The following LUZP2 variants were observed in gnomAD, a reference collection of about 807,000 sequenced individuals.
The protein encoded by LUZP2 is leucine zipper protein 2.
In LUZP2, 52 loss-of-function variants were observed where a neutral mutation model predicts 51.6. The observed-to-expected ratio is 1.01, with a 90% CI of 0.81 to 1.27. The LOEUF is 1.27. LUZP2 is among the 50% of genes most tolerant of loss of function. The probability of loss-of-function intolerance (pLI) is 0.00; values close to 1 mark genes in which losing one functional copy is unlikely to be tolerated. For synonymous variants in LUZP2, 154 were observed against 137.3 expected, an observed-to-expected ratio of 1.12 and a Z score of -0.85; for missense variants, 436 against 395.4, an observed-to-expected ratio of 1.10 and a Z score of -0.87.
At chr11:24,996,851 C>T (rs1856517996) in intron 9 of LUZP2, among the ~76,000 whole-genome samples, 1 of 151,844 alleles carries the variant, frequency 6.6e-6, no homozygotes, top group Non-Finnish European at 1.5e-5. Context: ...TCCCATCTAT[C>T]AGTAAGAATA....
chr11:24,876,757 A>T (rs142394062), intron 5 of LUZP2, among the ~76,000 whole-genome samples: 4 of 151,592 alleles, frequency 2.6e-5, no homozygotes, highest in African/African-American at 9.8e-5. Flanking sequence ...ATTTGTTTGT[A>T]TCCTCTTTTA....
At chr11:24,752,034 T>C (rs1266923138) in intron 4 of LUZP2, among the ~76,000 whole-genome samples, 1 of 151,798 alleles carries the variant, frequency 6.6e-6, no homozygotes, top group African/African-American at 2.4e-5. Context: ...AATGACAAAT[T>C]TATAGAAAGC....
intron 5 of LUZP2, among the ~76,000 whole-genome samples, chr11:24,770,038 C>T (rs1377734361): frequency 1.3e-5 from 2 of 152,176 alleles, no homozygotes; most frequent in Non-Finnish European, 2.9e-5. Context: ...AAGTGATCTG[C>T]CCACCTCAGG....
chr11:25,020,652 A>G (rs949540059), intron 9 of LUZP2, among the ~76,000 whole-genome samples: 2 of 152,084 alleles, frequency 1.3e-5, no homozygotes, highest in African/African-American at 4.8e-5. Context: ...ACCTGAAAAC[A>G]CTATTTTCTT....
chr11:24,637,620 G>A (rs1043603979), intron 1 of LUZP2, among the ~76,000 whole-genome samples: 1 of 151,680 alleles, frequency 6.6e-6, no homozygotes, highest in Non-Finnish European at 1.5e-5. Context: ...GTCTATGAAC[G>A]GCCGCTCTAG....
chr11:24,709,610 A>G (rs1179399285), intron 1 of LUZP2, among the ~76,000 whole-genome samples: 3 of 152,222 alleles, frequency 2.0e-5, no homozygotes, highest in Admixed American at 6.5e-5. Flanking sequence ...CAAATTTTCC[A>G]GGAATAATTA....
intron 1 of LUZP2, among the ~76,000 whole-genome samples, chr11:24,614,630 A>G (rs1189216394): frequency 3.3e-5 from 5 of 151,888 alleles, no homozygotes; most frequent in African/African-American, 1.2e-4. Context: ...ATGCGTAAAA[A>G]TTATTCCTGA....
intron 7 of LUZP2, among the ~76,000 whole-genome samples, chr11:24,960,263 T>A (rs1283579551): frequency 2.6e-5 from 4 of 152,178 alleles, no homozygotes; most frequent in Non-Finnish European, 5.9e-5. Flanking sequence ...TGCTGGCCTC[T>A]TAAAATGAGT....
intron 5 of LUZP2, among the ~76,000 whole-genome samples, chr11:24,806,462 GACA>G (rs1849859228): frequency 2.0e-5 from 3 of 152,144 alleles, no homozygotes; most frequent in Admixed American, 1.3e-4. Flanking sequence ...AAGTTACTAA[GACA>G]TTGTATAGGA....
At chr11:24,599,633 A>AT (rs1031140389) in intron 1 of LUZP2, among the ~76,000 whole-genome samples, 3 of 152,192 alleles carry the variant, frequency 2.0e-5, no homozygotes, top group Admixed American at 6.5e-5. Context: ...CATCTGTAGT[A>AT]TTTTGGTTGT....
At chr11:25,067,628 C>A (rs1398832463) in intron 10 of LUZP2, among the ~76,000 whole-genome samples, 4 of 151,924 alleles carry the variant, frequency 2.6e-5, no homozygotes, top group African/African-American at 4.8e-5. Context: ...AGTGAGATAC[C>A]ACCTCATGCC....
chr11:24,944,081 A>G (rs11822452), intron 7 of LUZP2, among the ~76,000 whole-genome samples: 1,749 of 152,236 alleles, frequency 0.011, 37 homozygotes, highest in African/African-American at 0.039. Flanking sequence ...TAATACAATA[A>G]CTATTTAAGG....
chr11:24,768,922 A>G (rs762253129), intron 5 of LUZP2, among the ~76,000 whole-genome samples: 15 of 152,224 alleles, frequency 9.9e-5, no homozygotes, highest in East Asian at 9.6e-4. Context: ...AATGAAATCA[A>G]TATGTTGAAG....
At chr11:24,843,518 C>T (rs1019580334) in intron 5 of LUZP2, among the ~76,000 whole-genome samples, 6 of 152,026 alleles carry the variant, frequency 3.9e-5, no homozygotes, top group African/African-American at 1.4e-4. Flanking sequence ...GGATTATAAA[C>T]CACATCTATC....
At chr11:24,635,321 CT>C (rs1411238867) in intron 1 of LUZP2, among the ~76,000 whole-genome samples, 4 of 151,880 alleles carry the variant, frequency 2.6e-5, no homozygotes, top group African/African-American at 9.7e-5. Context: ...TTGATCTTAT[CT>C]TGACATTAAA....
chr11:24,862,778 CT>C (rs369534720), intron 5 of LUZP2, among the ~76,000 whole-genome samples: 14 of 152,242 alleles, frequency 9.2e-5, no homozygotes, highest in African/African-American at 3.4e-4. Context: ...GGAAGACAAC[CT>C]GCCGAATGGA....
Position 24,611,001 on chromosome 11 carries a change from A to G in LUZP2, c.62+113696A>G, listed in dbSNP as rs528956825. On this transcript the variant is annotated intron_variant, in intron 1 of 11. Coordinates refer to ENST00000336930, the MANE Select transcript of LUZP2 (RefSeq NM_001009909.4). The surrounding 1 kb of genome is among the most constrained non-coding windows in gnomAD (Gnocchi z 4.6). ...ATGATTAAACCAGAGTTATACCTAC[A>G]TGATATGTTTTAGGTCTTAAATTGT... Among the ~76,000 whole-genome samples, 11 of 152,286 alleles carry G rather than the reference A, an allele frequency of 7.2e-5. No homozygotes were observed. In the East Asian group the frequency reaches 9.6e-4, roughly 13 times the overall value.
intron 1 of LUZP2, among the ~76,000 whole-genome samples, chr11:24,698,234 A>G (rs2133903021): frequency 6.6e-6 from 1 of 152,318 alleles, no homozygotes; most frequent in South Asian, 2.1e-4. Flanking sequence ...TTTGTAACTG[A>G]TAAAACCAGA....
At chr11:24,960,734 G>C (rs1447885454) in intron 7 of LUZP2, among the ~76,000 whole-genome samples, 3 of 152,056 alleles carry the variant, frequency 2.0e-5, no homozygotes, top group Non-Finnish European at 4.4e-5. Context: ...GGTCCTTTGT[G>C]TCTCTATTTC....
Sources: gnomAD v4.1 joint callset for allele counts (sites outside exome capture counted in the v4.1 genomes callset) on GRCh38, gnomAD v4.1.1 for gene constraint, Gnocchi (gnomAD v3.1) non-coding constraint, MANE v1.5 for transcripts, NCBI Gene and HGNC (gene_info 2026-07-23, HGNC 2026-07-21) for gene names.